Variants in PCMT1 observed in about 807,000 individuals in gnomAD.
PCMT1 encodes protein-L-isoaspartate (D-aspartate) O-methyltransferase.
A neutral mutation model predicts 29.2 loss-of-function variants in PCMT1; 9 were observed. The ratio of observed to expected loss-of-function variants is 0.31; its 90% CI spans 0.19 to 0.54. The LOEUF is 0.54. Ranked by LOEUF, PCMT1 falls within the 20% of genes least tolerant of loss-of-function variation. The pLI is 0.95. For missense variants in PCMT1, 184 were observed against 282.2 expected, an observed-to-expected ratio of 0.65 and a Z score of 2.49; for synonymous variants, 98 against 97.5, an observed-to-expected ratio of 1.00 and a Z score of -0.03.
In PCMT1 at chr6:149,771,156, T is replaced by A; in HGVS notation, c.56-6T>A. 1 of 1,568,250 alleles carries A rather than the reference T, an allele frequency of 6.4e-7. No individual in the cohort carries two copies. Among genetic ancestry groups the A allele is most frequent in the Non-Finnish European group, 8.8e-7 (1 of 1,141,284 alleles). ...CTTCTGAAAATATTTGCCTCACTTG[T>A]TTCAGAAAATGGAATCATCAAGACA... is the stretch of plus-strand genomic sequence containing the variant. On this transcript the variant is annotated splice_polypyrimidine_tract_variant and splice_region_variant and intron_variant, in intron 1 of 7. Coordinates refer to ENST00000464889, the MANE Select transcript of PCMT1 (RefSeq NM_001360452.2).
chr6:149,773,061 G>C, intron 2 of PCMT1, 77 bp from the exon 3 acceptor site: 1 of 1,076,878 alleles, frequency 9.3e-7, no homozygotes, highest in Non-Finnish European at 1.4e-6. Context: ...ATAACGTATG[G>C]ATGGTAGAAA....
intron 2 of PCMT1, chr6:149,772,266 A>C: frequency 2.9e-6 from 1 of 348,486 alleles, no homozygotes; most frequent in Non-Finnish European, 5.6e-6. Flanking sequence ...GTTTTGAGAA[A>C]GCAACACCAC....
chr6:149,768,637 T>C lies in PCMT1; in HGVS notation c.56-2525T>C, dbSNP rs116607181. Reference sequence around the variant, plus strand: ...GGCTAGTTTTTTTTTTCTTTTTTAATTTTTTTAAAGACAGAGCCTCGCTCT... The same window carrying C: ...GGCTAGTTTTTTTTTTCTTTTTTAACTTTTTTAAAGACAGAGCCTCGCTCT... On this transcript the variant is annotated intron_variant, in intron 1 of 7. Transcript: ENST00000464889. Among the ~76,000 whole-genome samples the C allele has an allele frequency of 7.9e-3, 1,200 of 151,432 alleles. 13 individuals are homozygous for C. Among genetic ancestry groups the C allele is most frequent in the African/African-American group, 0.027 (1,100 of 41,374 alleles).
intron 5 of PCMT1, chr6:149,795,215 T>C: frequency 2.7e-6 from 1 of 371,100 alleles, no homozygotes; most frequent in Non-Finnish European, 5.1e-6. Flanking sequence ...AAAGAAATGT[T>C]AACTTCTCCA....
chr6:149,795,438 G>T, intron 5 of PCMT1: 1 of 401,798 alleles, frequency 2.5e-6, no homozygotes, highest in South Asian at 2.2e-5. Context: ...CTGAATATAA[G>T]AACATAAGAA....
At chr6:149,752,894 T>G (rs1239401648) in intron 1 of PCMT1, among the ~76,000 whole-genome samples, 1 of 152,316 alleles carries the variant, frequency 6.6e-6, no homozygotes, top group Admixed American at 6.5e-5. Context: ...ATGTATTGCA[T>G]TACTGTTCTT....
chr6:149,808,288 T>G (rs1181566955), intron 7 of PCMT1, among the ~76,000 whole-genome samples: 3 of 152,130 alleles, frequency 2.0e-5, no homozygotes, highest in African/African-American at 7.2e-5. Context: ...TCTAAAAATT[T>G]AGTACATACT....
intron 1 of PCMT1, among the ~76,000 whole-genome samples, chr6:149,751,476 C>CTTTTTTT (rs76128652): frequency 8.6e-6 from 1 of 116,558 alleles, no homozygotes; most frequent in African/African-American, 3.8e-5. Flanking sequence ...ATGGTTGGTA[C>CTTTTTTT]TTTTTTTTTT....
chr6:149,771,946 T>G (rs1787343672), intron 2 of PCMT1: 1 of 454,928 alleles, frequency 2.2e-6, no homozygotes, highest in Non-Finnish European at 4.4e-6. Context: ...TTTAAATAAG[T>G]GTGCTTAAGT....
rs1187411171 is a variant in PCMT1 at position 149,763,003 on chromosome 6, TA to T, written c.56-8158del. Among the ~76,000 whole-genome samples the T allele has an allele frequency of 1.7e-4, 11 of 64,408 alleles. 3 individuals carry two copies. The highest frequency in any genetic ancestry group is 4.4e-4 in the African/African-American group (3 of 6,778). 42.3% of individuals were successfully genotyped at this position (64,408 alleles called of 152,430 possible). The stretch of plus-strand genomic sequence containing the variant: ...ATATATATCTATGATATATATGATA[TA>T]TATATCTATGATATATATGATATAT... On this transcript the variant is annotated intron_variant, in intron 1 of 7. Transcript: ENST00000464889.
At position 149,763,249 on chromosome 6, in the gene PCMT1, T is replaced by TATATCTATGATATCTATGATATAA. The variant is rs1562399426; in HGVS notation, c.56-7889_56-7866dup. Among the ~76,000 whole-genome samples, 4 of 56,636 alleles carry TATATCTATGATATCTATGATATAA rather than the reference T, an allele frequency of 7.1e-5. 1 individual carries two copies. The South Asian group carries it at 2.1e-3, about 29-fold the overall frequency. The allele number at this position is 56,636 out of a possible 152,430, so 37.2% of individuals were successfully genotyped here. A position where few individuals can be genotyped will look rare whatever the true frequency, so the allele number is the denominator to read the frequency against. ...AAATATCTATGATATCTATGATATATATATCTATGATATCTATGATATAAA... is the reference window on the plus strand; with the variant it reads ...AAATATCTATGATATCTATGATATATATATCTATGATATCTATGATATAAATATCTATGATATCTATGATATAAA... On this transcript the variant is annotated intron_variant, in intron 1 of 7. Transcript: ENST00000464889.
In PCMT1 at chr6:149,771,202, G is replaced by A; in HGVS notation, c.96G>A (p.Met32Ile). ...AGACAGATAAAGTATTTGAAGTGAT[G>A]CTGGCTACAGACCGCTCCCACTATG... ...IIKTDKVFEV[M>I]LATDRSHYAK... Residue 32 changes from methionine to isoleucine, a missense_variant, in exon 2 of 8, where the codon ATG (methionine) becomes ATA (isoleucine). Coordinates refer to ENST00000464889, the MANE Select transcript of PCMT1 (RefSeq NM_001360452.2). 1.2e-6 allele frequency: 2 copies of A among 1,612,930 alleles called. No individual in the cohort carries two copies. The highest frequency in any genetic ancestry group is 1.7e-5 in the Admixed American group (1 of 59,988).
Position 149,758,211 on chromosome 6 carries a change from T to TC in PCMT1, c.55+8255_55+8256insC, listed in dbSNP as rs56894007. Among the ~76,000 whole-genome samples, 30 of 119,148 alleles carry TC rather than the reference T, an allele frequency of 2.5e-4. 1 individual carries two copies. In the East Asian group the frequency reaches 7.2e-3, roughly 29 times the overall value. 78.2% of individuals were successfully genotyped at this position (119,148 alleles called of 152,430 possible). A position where few individuals can be genotyped will look rare whatever the true frequency, so the allele number is the denominator to read the frequency against. On this transcript the variant is annotated intron_variant, in intron 1 of 7. Transcript: ENST00000464889. Reference sequence around the variant, plus strand: ...TTTTTTTTTTCTTTCTTTCTTTCTTTTTTTTTTTTTTTTTTCTGAGACAGA... The same window carrying TC: ...TTTTTTTTTTCTTTCTTTCTTTCTTTCTTTTTTTTTTTTTTTCTGAGACAGA...
intron 5 of PCMT1, among the ~76,000 whole-genome samples, chr6:149,794,543 G>A (rs748549453): frequency 7.2e-5 from 11 of 152,158 alleles, no homozygotes; most frequent in Admixed American, 1.3e-4. Context: ...GCTTGAACCC[G>A]AGAGGTGGAG....
chr6:149,781,059 G>T (rs914456741), intron 3 of PCMT1, among the ~76,000 whole-genome samples: 1 of 151,960 alleles, frequency 6.6e-6, no homozygotes, highest in African/African-American at 2.4e-5. Context: ...TGACTATGAA[G>T]TGGTGTCTCA....
intron 3 of PCMT1, among the ~76,000 whole-genome samples, chr6:149,783,941 C>T (rs1787919619): frequency 6.6e-6 from 1 of 152,194 alleles, no homozygotes; most frequent in African/African-American, 2.4e-5. Context: ...GTTATCCTTC[C>T]ACTTTGGCCT....
At chr6:149,786,748 C>G (rs1163126786) in intron 3 of PCMT1, among the ~76,000 whole-genome samples, 1 of 150,202 alleles carries the variant, frequency 6.7e-6, no homozygotes, top group African/African-American at 2.5e-5. Flanking sequence ...CCCCACATCT[C>G]AGACGATGGG....
chr6:149,782,187 A>G (rs1787841785), intron 3 of PCMT1, among the ~76,000 whole-genome samples: 1 of 152,208 alleles, frequency 6.6e-6, no homozygotes, highest in Admixed American at 6.6e-5. Flanking sequence ...ATGTTTATAT[A>G]TATGCACATA....
chr6:149,804,271 A>G (rs935263590), intron 7 of PCMT1, among the ~76,000 whole-genome samples: 4 of 151,998 alleles, frequency 2.6e-5, no homozygotes, highest in African/African-American at 9.7e-5. Flanking sequence ...GAAATTACTG[A>G]AATTTGATAA....
Sources: allele counts gnomAD v4.1 joint callset (sites outside exome capture counted in the v4.1 genomes callset), GRCh38; gene constraint gnomAD v4.1.1; transcripts MANE v1.5; gene names NCBI Gene and HGNC (gene_info 2026-07-23, HGNC 2026-07-21).